The following MACROD2 variants were observed in gnomAD, a reference collection of about 807,000 sequenced individuals.
MACROD2 encodes mono-ADP ribosylhydrolase 2.
MACROD2 carries 36 observed loss-of-function variants against 70.4 expected under a neutral mutation model. The observed-to-expected ratio is 0.51, with a 90% CI of 0.39 to 0.68. The LOEUF is 0.68. Among genes scored for constraint, MACROD2 ranks in the 30% least tolerant of loss-of-function variants. The probability of loss-of-function intolerance (pLI) is 0.00; values close to 1 mark genes in which losing one functional copy is unlikely to be tolerated. For missense variants in MACROD2, 496 were observed against 538.4 expected, an observed-to-expected ratio of 0.92 and a Z score of 0.78; for synonymous variants, 172 against 178.8, an observed-to-expected ratio of 0.96 and a Z score of 0.30.
chr20:15,226,871 TTGA>T (rs1239327455), intron 5 of MACROD2, among the ~76,000 whole-genome samples: 3 of 152,240 alleles, frequency 2.0e-5, no homozygotes, highest in African/African-American at 7.2e-5. Context: ...TCTAAGGCAC[TTGA>T]TGACTAAGGG....
chr20:15,233,902 T>C (rs1277349721), intron 6 of MACROD2, among the ~76,000 whole-genome samples: 7 of 144,942 alleles, frequency 4.8e-5, no homozygotes, highest in African/African-American at 1.8e-4. Flanking sequence ...TTATTCCTTA[T>C]TCCAAATATT....
intron 8 of MACROD2, among the ~76,000 whole-genome samples, chr20:15,786,934 C>A (rs954507320): frequency 6.6e-6 from 1 of 152,058 alleles, no homozygotes; most frequent in African/African-American, 2.4e-5. Context: ...GTATCCCATA[C>A]TGTAGGAATA....
At chr20:15,007,934 C>T (rs6043055) in intron 5 of MACROD2, among the ~76,000 whole-genome samples, 1 of 152,206 alleles carries the variant, frequency 6.6e-6, no homozygotes, top group African/African-American at 2.4e-5. Flanking sequence ...ATTCAGAATC[C>T]TAACTCCAAA....
At chr20:14,234,741 A>G (rs1267151649) in intron 3 of MACROD2, among the ~76,000 whole-genome samples, 2 of 152,182 alleles carry the variant, frequency 1.3e-5, no homozygotes, top group African/African-American at 2.4e-5. Context: ...ACACATGCAT[A>G]CAGACTTTTG....
chr20:14,494,762 T>C (rs1432079199), intron 4 of MACROD2, among the ~76,000 whole-genome samples: 3 of 152,140 alleles, frequency 2.0e-5, no homozygotes, highest in African/African-American at 7.2e-5. Flanking sequence ...TTTTAGAAAA[T>C]ATGAATTTGT....
intron 4 of MACROD2, among the ~76,000 whole-genome samples, chr20:14,526,387 G>A (rs932043118): frequency 1.3e-5 from 2 of 152,050 alleles, no homozygotes; most frequent in Non-Finnish European, 2.9e-5. Flanking sequence ...TGATCTATCA[G>A]TTTTGGGGGA....
intron 5 of MACROD2, among the ~76,000 whole-genome samples, chr20:14,785,627 G>T (rs1389364510): frequency 1.3e-5 from 2 of 152,076 alleles, no homozygotes; most frequent in Non-Finnish European, 2.9e-5. Context: ...TCAGGAGGCT[G>T]TAGTAGCCTA....
At chr20:14,437,027 A>G (rs1199760940) in intron 3 of MACROD2, among the ~76,000 whole-genome samples, 2 of 152,210 alleles carry the variant, frequency 1.3e-5, no homozygotes, top group African/African-American at 2.4e-5. Flanking sequence ...AGAGGTTTCA[A>G]TTTGGCAGGA....
intron 5 of MACROD2, among the ~76,000 whole-genome samples, chr20:15,118,048 G>A (rs2076003697): frequency 6.6e-6 from 1 of 151,880 alleles, no homozygotes; most frequent in South Asian, 2.1e-4. Flanking sequence ...AGGATTGATG[G>A]GTACCCTTTT....
intron 8 of MACROD2, among the ~76,000 whole-genome samples, chr20:15,853,014 A>AATAATAATAAT (rs2064317182): frequency 6.6e-6 from 1 of 152,012 alleles, no homozygotes; most frequent in Admixed American, 6.6e-5. Context: ...CTATCTCTAA[A>AATAATAATAAT]ATAATAATAA....
intron 5 of MACROD2, among the ~76,000 whole-genome samples, chr20:14,692,005 A>C (rs943298482): frequency 6.6e-6 from 1 of 152,152 alleles, no homozygotes; most frequent in African/African-American, 2.4e-5. Flanking sequence ...CATTTACATT[A>C]AGCAGTTTCA....
In MACROD2 at chr20:15,460,999, TATA is replaced by T. The variant is rs1246041961; in HGVS notation, c.571+29565_571+29567del. Among the ~76,000 whole-genome samples the T allele has an allele frequency of 9.0e-3, 772 of 85,524 alleles. 32 individuals carry two copies. Among genetic ancestry groups the T allele is most frequent in the African/African-American group, 0.032 (691 of 21,708 alleles). 56.1% of individuals were successfully genotyped at this position (85,524 alleles called of 152,430 possible). ...CTCCATATATATATATATATATATA[TATA>T]TATATTTTTTTTTAATAGATGGGGT... On this transcript the variant is annotated intron_variant, in intron 7 of 17. Transcript: ENST00000684519.
chr20:15,412,511 G>T (rs572142028), intron 6 of MACROD2, among the ~76,000 whole-genome samples: 1 of 152,158 alleles, frequency 6.6e-6, no homozygotes, highest in Non-Finnish European at 1.5e-5. Context: ...TGTTTAAAGT[G>T]ATTTCCATTT....
At chr20:14,718,149 C>A (rs1371852448) in intron 5 of MACROD2, among the ~76,000 whole-genome samples, 1 of 151,414 alleles carries the variant, frequency 6.6e-6, no homozygotes, top group Non-Finnish European at 1.5e-5. Flanking sequence ...AAAAATTTGC[C>A]AGGCGTGGTG....
At chr20:15,720,556 A>G (rs1296831730) in intron 8 of MACROD2, among the ~76,000 whole-genome samples, 1 of 152,190 alleles carries the variant, frequency 6.6e-6, no homozygotes, top group African/African-American at 2.4e-5. Flanking sequence ...TTAAAAATCA[A>G]TGCCTCGTTA....
At chr20:15,154,584 T>A (rs2076293730) in intron 5 of MACROD2, among the ~76,000 whole-genome samples, 1 of 152,206 alleles carries the variant, frequency 6.6e-6, no homozygotes, top group African/African-American at 2.4e-5. Context: ...GAGATCAAGG[T>A]GCCAGCAAGC....
chr20:15,900,387 G>T (rs973245234), intron 10 of MACROD2, among the ~76,000 whole-genome samples: 2 of 152,124 alleles, frequency 1.3e-5, no homozygotes, highest in African/African-American at 2.4e-5. Flanking sequence ...CCACCATTTT[G>T]CTTTAATCAT....
intron 5 of MACROD2, among the ~76,000 whole-genome samples, chr20:15,141,807 A>C (rs1465271041): frequency 6.6e-6 from 1 of 152,160 alleles, no homozygotes; most frequent in Non-Finnish European, 1.5e-5. Context: ...TTACTGTGTG[A>C]AAAATGAATG....
At chr20:14,388,612 C>T (rs1176022998) in intron 3 of MACROD2, among the ~76,000 whole-genome samples, 3 of 152,170 alleles carry the variant, frequency 2.0e-5, no homozygotes, top group South Asian at 2.1e-4. Context: ...CTTTATTTGT[C>T]CGTACCATAA....
Sources: allele counts gnomAD v4.1 joint callset (sites outside exome capture counted in the v4.1 genomes callset), GRCh38; gene constraint gnomAD v4.1.1; transcripts MANE v1.5; gene names NCBI Gene and HGNC (gene_info 2026-07-23, HGNC 2026-07-21).